The following CCDC158 variants were observed in gnomAD, a reference collection of about 807,000 sequenced individuals.
CCDC158 encodes the protein coiled-coil domain containing 158.
A neutral mutation model predicts 138.6 loss-of-function variants in CCDC158; 116 were observed. The ratio of observed to expected loss-of-function variants is 0.84; its 90% CI spans 0.72 to 0.98. The LOEUF (loss-of-function observed/expected upper bound fraction) is 0.98, where lower values mean the gene tolerates loss of function less well. CCDC158 is among the 50% of genes least tolerant of loss of function. CCDC158 has a pLI of 0.00. For synonymous variants in CCDC158, 436 were observed against 442.4 expected, an observed-to-expected ratio of 0.99 and a Z score of 0.18; for missense variants, 1,265 against 1,306.1, an observed-to-expected ratio of 0.97 and a Z score of 0.48.
chr4:76,395,987 T>C (rs10002302), intron 4 of CCDC158, among the ~76,000 whole-genome samples: 4,476 of 152,300 alleles, frequency 0.029, 220 homozygotes, highest in African/African-American at 0.1. Flanking sequence ...CAAATGCTAC[T>C]TATTATAATT....
chr4:76,325,597 AAT>A (rs1397503880), intron 23 of CCDC158, among the ~76,000 whole-genome samples: 1 of 152,228 alleles, frequency 6.6e-6, no homozygotes, highest in African/African-American at 2.4e-5. Context: ...CTTTTAATAA[AAT>A]AGAGGCAAAA....
chr4:76,343,288 T>C (rs1257088981), intron 18 of CCDC158, among the ~76,000 whole-genome samples: 1 of 152,152 alleles, frequency 6.6e-6, no homozygotes, highest in African/African-American at 2.4e-5. Flanking sequence ...TTTTGGGTCC[T>C]TCAATAAAAA....
intron 18 of CCDC158, among the ~76,000 whole-genome samples, chr4:76,337,243 G>A (rs1721603888): frequency 6.6e-6 from 1 of 152,054 alleles, no homozygotes; most frequent in African/African-American, 2.4e-5. Flanking sequence ...GCCCGCCTCG[G>A]CCTCCCAAAG....
chr4:76,390,218 A>C (rs1727189977), intron 4 of CCDC158, among the ~76,000 whole-genome samples: 1 of 152,158 alleles, frequency 6.6e-6, no homozygotes, highest in African/African-American at 2.4e-5. Context: ...ACAAAGTCAA[A>C]GTGTAGAGTT....
chr4:76,414,447 A>G (rs899695111), intron 1 of CCDC158: 1 of 152,170 alleles, frequency 6.6e-6, no homozygotes, highest in African/African-American at 2.4e-5. Context: ...CATTAAGGGG[A>G]AAAAAATCAC....
At chr4:76,334,654 G>T (rs770084234) in intron 18 of CCDC158, among the ~76,000 whole-genome samples, 2 of 152,126 alleles carry the variant, frequency 1.3e-5, no homozygotes, top group Admixed American at 6.5e-5. Flanking sequence ...GTGTTAGTTG[G>T]TGTTTAAGAA....
chr4:76,370,544 C>T (rs1385443473), intron 10 of CCDC158, among the ~76,000 whole-genome samples: 2 of 152,000 alleles, frequency 1.3e-5, no homozygotes, highest in Non-Finnish European at 2.9e-5. Flanking sequence ...CAGCCCTTTA[C>T]AGGAAGGAGT....
intron 7 of CCDC158, 88 bp downstream of exon 7, chr4:76,383,574 C>T (rs1726483495): frequency 4.6e-6 from 4 of 874,156 alleles, no homozygotes; most frequent in South Asian, 4.3e-5. Flanking sequence ...TGTTTCAGAG[C>T]TGTTTAGATT....
chr4:76,396,722 TGGTG>T, intron 3 of CCDC158, among the ~76,000 whole-genome samples: 1 of 151,832 alleles, frequency 6.6e-6, no homozygotes, highest in Non-Finnish European at 1.5e-5. Flanking sequence ...ATGTTAGCCA[TGGTG>T]AAACCATGGT....
chr4:76,371,310 A>C, intron 10 of CCDC158, 107 bp downstream of exon 10: 1 of 1,122,178 alleles, frequency 8.9e-7, no homozygotes, highest in Non-Finnish European at 1.3e-6. Context: ...TGTATGCACA[A>C]ATATTTTGTA....
At chr4:76,353,059 A>G (rs1723200340) in intron 16 of CCDC158, 64 bp downstream of exon 16, 1 of 1,388,814 alleles carries the variant, frequency 7.2e-7, no homozygotes, top group Non-Finnish European at 1.0e-6. Flanking sequence ...TTTGTTCAGA[A>G]CAATTCTATT....
chr4:76,383,593 G>T, intron 7 of CCDC158, 69 bp downstream of exon 7: 1 of 1,104,516 alleles, frequency 9.1e-7, no homozygotes, highest in Non-Finnish European at 1.4e-6. Flanking sequence ...TTTTGGAATT[G>T]TGGCCGAAAC....
At chr4:76,336,207 A>C (rs1010755107) in intron 18 of CCDC158, among the ~76,000 whole-genome samples, 22 of 147,702 alleles carry the variant, frequency 1.5e-4, no homozygotes, top group South Asian at 6.5e-4. Flanking sequence ...AAAAAAAAAA[A>C]AACCATTCAA....
intron 15 of CCDC158, 56 bp from the exon 16 acceptor site, chr4:76,353,337 A>T: frequency 1.5e-6 from 2 of 1,358,010 alleles, no homozygotes. Flanking sequence ...AGATGCTGAA[A>T]GGTAATGGAA....
Position 76,367,329 on chromosome 4 carries a change from T to C in CCDC158, c.1795A>G (p.Ile599Val). Residue 599 changes from isoleucine to valine, a missense_variant, in exon 12 of 25, where the codon ATT (isoleucine) becomes GTT (valine). Physicochemically the swap from Ile to Val is conservative, Grantham distance 29. Transcript: ENST00000682701. ...TTTAGTTCCATCCGCCTATCATTAA[T>C]TTCTTTCTCCAGTTGAGCTTTTTCT... ...QVEKAQLEKE[I>V]NDRRMELKEL... The C allele has an allele frequency of 1.9e-6, 3 of 1,613,488 alleles. No homozygotes were observed. The highest frequency in any genetic ancestry group is 2.5e-6 in the Non-Finnish European group (3 of 1,179,496).
intron 9 of CCDC158, chr4:76,375,323 C>T (rs1725613196): frequency 7.5e-6 from 3 of 400,982 alleles, no homozygotes; most frequent in African/African-American, 4.1e-5. Flanking sequence ...AGAGATATTG[C>T]CAATCATATC....
intron 15 of CCDC158, among the ~76,000 whole-genome samples, chr4:76,354,165 C>T (rs1334418475): frequency 7.3e-6 from 1 of 137,024 alleles, no homozygotes. Flanking sequence ...TTGTTGACAG[C>T]AGGCAGTAAC....
intron 2 of CCDC158, among the ~76,000 whole-genome samples, chr4:76,408,641 A>G (rs1442185281): frequency 1.3e-5 from 2 of 152,184 alleles, no homozygotes; most frequent in Non-Finnish European, 2.9e-5. Context: ...GTGCCGCAAT[A>G]AAAACACGTG....
chr4:76,354,281 G>A (rs1251418391), intron 15 of CCDC158, among the ~76,000 whole-genome samples: 1 of 149,408 alleles, frequency 6.7e-6, no homozygotes, highest in Non-Finnish European at 1.5e-5. Flanking sequence ...GTGAATTCAG[G>A]ATAAGAGAAA....
Sources: allele counts gnomAD v4.1 joint callset (sites outside exome capture counted in the v4.1 genomes callset), GRCh38; gene constraint gnomAD v4.1.1; transcripts MANE v1.5; gene names NCBI Gene and HGNC (gene_info 2026-07-23, HGNC 2026-07-21).